Variants in PDS5A observed in about 807,000 individuals in gnomAD.
PDS5A encodes the protein PDS5 cohesin associated factor A, also known as sister chromatid cohesion protein PDS5 homolog A.
PDS5A carries 42 observed loss-of-function variants against 167.1 expected under a neutral mutation model. That is an observed-to-expected ratio of 0.25 (90% CI 0.20 to 0.33). The LOEUF is 0.33. Among genes scored for constraint, PDS5A ranks in the 10% least tolerant of loss-of-function variants. The probability of loss-of-function intolerance (pLI) is 1.00; values close to 1 mark genes in which losing one functional copy is unlikely to be tolerated. For synonymous variants in PDS5A, 553 were observed against 554.6 expected, an observed-to-expected ratio of 1.00 and a Z score of 0.04; for missense variants, 1,033 against 1,605.9, an observed-to-expected ratio of 0.64 and a Z score of 6.10.
chr4:39,837,676 T>C (rs893808519), intron 32 of PDS5A, 180 bp downstream of exon 32: 13 of 491,202 alleles, frequency 2.6e-5, no homozygotes, highest in African/African-American at 2.1e-4. Flanking sequence ...TCTTCAAATT[T>C]GTGCCTTAAA....
chr4:39,869,519 GC>G, intron 21 of PDS5A, 57 bp from the exon 22 acceptor site: 1 of 1,046,292 alleles, frequency 9.6e-7, no homozygotes, highest in Non-Finnish European at 1.5e-6. Context: ...TTATGTTTTT[GC>G]TGATTAAGTT....
intron 16 of PDS5A, among the ~76,000 whole-genome samples, chr4:39,893,072 C>G (rs191628945): frequency 4.9e-4 from 74 of 152,206 alleles, no homozygotes; most frequent in Admixed American, 4.3e-3. Context: ...TGGTAGTAAA[C>G]GATATTCAAA....
Position 39,849,559 on chromosome 4 carries a change from G to C in PDS5A, c.3180C>G (p.Thr1060=). 6.2e-7 allele frequency: 1 copy of C among 1,611,016 alleles called. No homozygotes were observed. Among genetic ancestry groups the C allele is most frequent in the South Asian group, 1.1e-5 (1 of 91,004 alleles). The change falls in exon 27 of 33, where the codon ACC becomes ACG. Residue 1060 remains threonine (T), a synonymous_variant. Transcript: ENST00000303538. ...MKKMAENIKL[T]RDAQSPDESK... ...ATTCATCTGGAGACTGGGCATCTCT[G>C]GTTAACTTGATGTTCTCTGCCATCT...
intron 26 of PDS5A, among the ~76,000 whole-genome samples, chr4:39,861,454 T>C (rs1718993912): frequency 1.3e-5 from 2 of 151,862 alleles, no homozygotes; most frequent in South Asian, 4.2e-4. Flanking sequence ...CAAGACTCCA[T>C]CTCGGAAAAA....
chr4:39,882,501 C>A (rs949393749), intron 17 of PDS5A, among the ~76,000 whole-genome samples: 2 of 152,088 alleles, frequency 1.3e-5, no homozygotes, highest in African/African-American at 4.8e-5. Context: ...ATTAAGAAAT[C>A]CTAGTCAACA....
intron 2 of PDS5A, among the ~76,000 whole-genome samples, chr4:39,964,648 T>C (rs1001186529): frequency 1.3e-4 from 20 of 152,318 alleles, no homozygotes; most frequent in Middle Eastern, 3.4e-3. Context: ...TGAGCCGAGA[T>C]TGTGCCAGTG....
chr4:39,956,737 A>G (rs1728959435), intron 2 of PDS5A, among the ~76,000 whole-genome samples: 1 of 151,860 alleles, frequency 6.6e-6, no homozygotes, highest in Admixed American at 6.6e-5. Flanking sequence ...CTGCGGCACA[A>G]TTATGGTTCA....
intron 2 of PDS5A, among the ~76,000 whole-genome samples, chr4:39,931,607 G>C (rs534032991): frequency 6.6e-5 from 10 of 152,182 alleles, no homozygotes; most frequent in Admixed American, 6.5e-4. Context: ...GACAGCTCAA[G>C]TGAAAAGGCA....
intron 2 of PDS5A, among the ~76,000 whole-genome samples, chr4:39,975,285 C>T (rs1730982966): frequency 6.6e-6 from 1 of 151,924 alleles, no homozygotes; most frequent in Non-Finnish European, 1.5e-5. Context: ...TTATTCCTTC[C>T]AAAAAGGCAA....
At chr4:39,888,246 A>G (rs935472618) in intron 17 of PDS5A, among the ~76,000 whole-genome samples, 19 of 150,152 alleles carry the variant, frequency 1.3e-4, no homozygotes, top group Non-Finnish European at 2.8e-4. Context: ...TCCGGCAAAA[A>G]AAAAAAAAAA....
intron 30 of PDS5A, among the ~76,000 whole-genome samples, chr4:39,843,697 C>A (rs1717274622): frequency 6.6e-6 from 1 of 152,100 alleles, no homozygotes; most frequent in Admixed American, 6.6e-5. Flanking sequence ...GACAGAGACA[C>A]TCTGTCTCAA....
chr4:39,914,430 G>A (rs1222976006), intron 8 of PDS5A, among the ~76,000 whole-genome samples: 1 of 151,892 alleles, frequency 6.6e-6, no homozygotes, highest in African/African-American at 2.4e-5. Context: ...AAAGTGCTGG[G>A]ATTATGGGCA....
chr4:39,890,809 G>A (rs542010134), intron 16 of PDS5A, among the ~76,000 whole-genome samples: 26 of 151,886 alleles, frequency 1.7e-4, no homozygotes, highest in Admixed American at 6.6e-4. Flanking sequence ...TAGAGACGGG[G>A]CTTCACCATG....
chr4:39,881,350 AG>A (rs1174218529), intron 17 of PDS5A, among the ~76,000 whole-genome samples: 4 of 150,260 alleles, frequency 2.7e-5, no homozygotes, highest in African/African-American at 9.8e-5. Flanking sequence ...TGTATTTTTT[AG>A]TTTTTTTTTT....
At chr4:39,836,368 T>C (rs1240809089) in intron 32 of PDS5A, among the ~76,000 whole-genome samples, 1 of 152,202 alleles carries the variant, frequency 6.6e-6, no homozygotes, top group East Asian at 1.9e-4. Flanking sequence ...ATGTGAAAGA[T>C]TGCCAAGAGG....
chr4:39,974,843 G>C (rs1730927032), intron 2 of PDS5A, among the ~76,000 whole-genome samples: 1 of 152,152 alleles, frequency 6.6e-6, no homozygotes, highest in African/African-American at 2.4e-5. Flanking sequence ...GGGAGCAGTG[G>C]CTCACACCTG....
chr4:39,841,890 C>T (rs542689917), intron 31 of PDS5A, 58 bp downstream of exon 31: 30 of 917,398 alleles, frequency 3.3e-5, no homozygotes, highest in African/African-American at 1.5e-4. Context: ...CTTATCCCTA[C>T]GGAAAAACTG....
intron 16 of PDS5A, among the ~76,000 whole-genome samples, chr4:39,897,580 G>A (rs1250449719): frequency 1.3e-5 from 2 of 152,026 alleles, no homozygotes; most frequent in Non-Finnish European, 2.9e-5. Flanking sequence ...TGTATTTTTA[G>A]TAGAGATGGG....
At chr4:39,942,461 T>C (rs1015665013) in intron 2 of PDS5A, among the ~76,000 whole-genome samples, 7 of 152,184 alleles carry the variant, frequency 4.6e-5, no homozygotes, top group African/African-American at 1.7e-4. Flanking sequence ...CAAATTCCAT[T>C]TTTTCTTGAG....
Sources: gnomAD v4.1 joint callset for allele counts (sites outside exome capture counted in the v4.1 genomes callset) on GRCh38, gnomAD v4.1.1 for gene constraint, MANE v1.5 for transcripts, NCBI Gene and HGNC (gene_info 2026-07-23, HGNC 2026-07-21) for gene names.